The following XRCC5 variants were observed in gnomAD, a reference collection of about 807,000 sequenced individuals.
XRCC5 encodes the protein DNA repair protein Ku80.
In XRCC5, 12 loss-of-function variants were observed where a neutral mutation model predicts 95.7. The observed-to-expected ratio is 0.13, with a 90% CI of 0.08 to 0.20. The LOEUF is 0.20. Among genes scored for constraint, XRCC5 ranks in the 10% least tolerant of loss-of-function variants. XRCC5 has a pLI of 1.00. For synonymous variants in XRCC5, 281 were observed against 290.3 expected (o/e 0.97, Z 0.33); for missense variants, 595 against 873.9 (o/e 0.68, Z 4.02).
At chr2:216,112,305 A>G (rs828910) in intron 1 of XRCC5, among the ~76,000 whole-genome samples, 73,331 of 151,816 alleles carry the variant, frequency 0.48, 18,117 homozygotes, top group South Asian at 0.53. Context: ...ACCCAAGGAA[A>G]TCCACATTCA....
intron 16 of XRCC5, among the ~76,000 whole-genome samples, chr2:216,181,176 C>A (rs537250318): frequency 1.3e-5 from 2 of 152,214 alleles, no homozygotes; most frequent in East Asian, 3.9e-4. Flanking sequence ...TTCTAATCAT[C>A]TTCTAATTTA....
At chr2:216,111,413 A>G (rs1696589177) in intron 1 of XRCC5, 1 of 449,412 alleles carries the variant, frequency 2.2e-6, no homozygotes, top group South Asian at 1.6e-5. Context: ...GGTCCCAGCT[A>G]TTTGGAAGGC....
At chr2:216,147,965 C>T (rs1288667581) in intron 13 of XRCC5, 118 bp from the exon 14 acceptor site, 15 of 1,083,252 alleles carry the variant, frequency 1.4e-5, no homozygotes, top group Admixed American at 2.5e-5. Flanking sequence ...TTGTTTTTTA[C>T]ATGTGGTATG....
intron 18 of XRCC5, among the ~76,000 whole-genome samples, chr2:216,194,025 A>C (rs1242866219): frequency 6.6e-6 from 1 of 152,224 alleles, no homozygotes; most frequent in African/African-American, 2.4e-5. Context: ...CACTCTATCA[A>C]TAGCCAGTAA....
chr2:216,161,133 C>T lies in XRCC5; in HGVS notation c.1765-846C>T, dbSNP rs538245732. Among the ~76,000 whole-genome samples, 12 of 152,174 alleles carry T rather than the reference C, an allele frequency of 7.9e-5. No homozygotes were observed. In the East Asian group the frequency reaches 2.1e-3, roughly 27 times the overall value. The stretch of plus-strand genomic sequence containing the variant: ...TTTATTCTCACCTCAAACAGAAACT[C>T]AGAAAAATTGAATGTGTGAAAAATG... On this transcript the variant is annotated intron_variant, in intron 15 of 20. Coordinates refer to ENST00000392132, the MANE Select transcript of XRCC5 (RefSeq NM_021141.4).
At chr2:216,191,646 G>A (rs1488959067) in intron 17 of XRCC5, among the ~76,000 whole-genome samples, 1 of 152,146 alleles carries the variant, frequency 6.6e-6, no homozygotes, top group African/African-American at 2.4e-5. Context: ...CCTGACCACA[G>A]GTTATTCGCC....
At chr2:216,196,809 A>G (rs911041772) in intron 19 of XRCC5, among the ~76,000 whole-genome samples, 4 of 152,214 alleles carry the variant, frequency 2.6e-5, no homozygotes, top group Non-Finnish European at 4.4e-5. Flanking sequence ...ATACCCTCAC[A>G]GCAACATCTA....
chr2:216,110,098 A>G (rs1696560074), intron 1 of XRCC5, among the ~76,000 whole-genome samples: 1 of 152,222 alleles, frequency 6.6e-6, no homozygotes, highest in Non-Finnish European at 1.5e-5. Context: ...AAAACCGAGG[A>G]ATAAAGAACT....
At chr2:216,168,817 G>C (rs943822235) in intron 16 of XRCC5, among the ~76,000 whole-genome samples, 2 of 152,318 alleles carry the variant, frequency 1.3e-5, no homozygotes, top group East Asian at 3.9e-4. Flanking sequence ...ATAAGTTACA[G>C]TAAGTATTAT....
At position 216,122,235 on chromosome 2, in the gene XRCC5, A is replaced by T. The variant is rs912586782; in HGVS notation, c.665A>T (p.Asp222Val). The change falls in exon 6 of 21, where the codon GAT (aspartate) becomes GTT (valine). Residue 222 changes from aspartate to valine, a missense_variant. Asp to Val is a radical substitution (Grantham distance 152). This residue lies in a region of XRCC5 where 286 missense variants were observed against 491.1 expected (regional missense o/e 0.58). Transcript: ENST00000392132. ...TCTTTAGAAGGTGAAGATGGGTTGG[A>T]TGAAATTTATTCATTCAGGTAAGAA... is the stretch of plus-strand genomic sequence containing the variant. ...MISLEGEDGLDEIYSFSESLR... is the reference protein window; with the variant it reads ...MISLEGEDGLVEIYSFSESLR... The T allele has an allele frequency of 6.2e-7, 1 of 1,610,550 alleles. No homozygotes were observed. The highest frequency in any genetic ancestry group is 1.3e-5 in the African/African-American group (1 of 74,886).
intron 10 of XRCC5, among the ~76,000 whole-genome samples, chr2:216,136,637 C>T (rs896814813): frequency 6.6e-6 from 1 of 152,110 alleles, no homozygotes; most frequent in South Asian, 2.1e-4. Context: ...TGATGGGTGA[C>T]TTCAGAGGAT....
At chr2:216,157,912 C>T (rs1317717182) in intron 14 of XRCC5, among the ~76,000 whole-genome samples, 4 of 152,122 alleles carry the variant, frequency 2.6e-5, no homozygotes, top group African/African-American at 9.7e-5. Flanking sequence ...GAGTCATTAC[C>T]CTTTCCCACT....
intron 14 of XRCC5, among the ~76,000 whole-genome samples, chr2:216,150,906 AAAAG>A (rs1688729357): frequency 6.6e-6 from 1 of 152,106 alleles, no homozygotes; most frequent in Admixed American, 6.6e-5. Flanking sequence ...AAAGAAAAAT[AAAAG>A]AAAACGTAAT....
intron 16 of XRCC5, among the ~76,000 whole-genome samples, chr2:216,182,957 G>C (rs997730028): frequency 1.3e-5 from 2 of 152,196 alleles, no homozygotes; most frequent in Non-Finnish European, 2.9e-5. Flanking sequence ...AAATTTGCCA[G>C]CTGACCTGGG....
At chr2:216,113,205 C>A in intron 2 of XRCC5, 76 bp downstream of exon 2, 1 of 1,259,878 alleles carries the variant, frequency 7.9e-7, no homozygotes, top group South Asian at 1.3e-5. Flanking sequence ...ATGCAAGATA[C>A]CAGCCTCCTT....
intron 19 of XRCC5, among the ~76,000 whole-genome samples, chr2:216,202,005 A>G (rs551634943): frequency 2.6e-5 from 4 of 152,342 alleles, no homozygotes; most frequent in African/African-American, 9.6e-5. Context: ...ATGAAAATGT[A>G]GGATTTTTGT....
At chr2:216,149,084 C>T (rs751716926) in intron 14 of XRCC5, among the ~76,000 whole-genome samples, 33 of 152,064 alleles carry the variant, frequency 2.2e-4, no homozygotes, top group Middle Eastern at 6.8e-3. Flanking sequence ...TGAATCTTTT[C>T]CCCTTTTTTA....
chr2:216,162,011 T>A lies in XRCC5; in HGVS notation c.1797T>A (p.Arg599=), dbSNP rs1270286530. 8 of 1,614,208 alleles carry A rather than the reference T, an allele frequency of 5.0e-6. No homozygotes were observed. In the African/African-American group the frequency reaches 9.3e-5, roughly 19 times the overall value. The part of the protein sequence containing the change: ...VGSVNPAENF[R]VLVKQKKASF... ...GTGTGAATCCTGCTGAAAACTTCCG[T>A]GTTCTAGTGAAACAGAAGAAGGCCA... Residue 599 remains arginine, a synonymous_variant, in exon 16 of 21, where the codon CGT becomes CGA. Coordinates refer to ENST00000392132, the MANE Select transcript of XRCC5 (RefSeq NM_021141.4).
intron 19 of XRCC5, among the ~76,000 whole-genome samples, chr2:216,201,658 C>G (rs1430893459): frequency 6.6e-6 from 1 of 152,154 alleles, no homozygotes; most frequent in African/African-American, 2.4e-5. Flanking sequence ...TCTACTTTCT[C>G]AGCATATTGC....
Sources: gnomAD v4.1 joint callset for allele counts (sites outside exome capture counted in the v4.1 genomes callset) on GRCh38, gnomAD v4.1.1 for gene constraint, gnomAD v4.1.1 regional missense constraint, MANE v1.5 for transcripts, NCBI Gene and HGNC (gene_info 2026-07-23, HGNC 2026-07-21) for gene names.